Variants in EEF1G observed in about 807,000 individuals in gnomAD.
EEF1G encodes the protein elongation factor 1-gamma.
A neutral mutation model predicts 58.3 loss-of-function variants in EEF1G; 14 were observed. The observed-to-expected ratio is 0.24, with a 90% CI of 0.16 to 0.38. The LOEUF is 0.38. EEF1G is among the 10% of genes least tolerant of loss of function. The pLI, the probability that EEF1G is intolerant of heterozygous loss-of-function variation, is 1.00. For synonymous variants in EEF1G, 180 were observed against 206.8 expected, an observed-to-expected ratio of 0.87 and a Z score of 1.11; for missense variants, 322 against 550.1, an observed-to-expected ratio of 0.59 and a Z score of 4.15.
chr11:62,564,894 C>T (rs1437455935), intron 7 of EEF1G, among the ~76,000 whole-genome samples: 2 of 151,492 alleles, frequency 1.3e-5, no homozygotes, highest in African/African-American at 4.9e-5. Flanking sequence ...GGTGAAACTC[C>T]GTCTCTACTA....
chr11:62,571,927 A>C (rs1443231124), intron 2 of EEF1G, 26 bp from the exon 3 acceptor site: 2 of 1,557,974 alleles, frequency 1.3e-6, no homozygotes, highest in Admixed American at 3.9e-5. Flanking sequence ...TGAAAAGATA[A>C]GGTAAAACAC....
At chr11:62,571,794 C>A in intron 3 of EEF1G, 44 bp downstream of exon 3, 1 of 1,570,466 alleles carries the variant, frequency 6.4e-7, no homozygotes, top group East Asian at 2.4e-5. Flanking sequence ...CTCCTACACC[C>A]TCACCTCCAA....
intron 7 of EEF1G, among the ~76,000 whole-genome samples, chr11:62,566,145 A>C (rs1941553151): frequency 6.6e-6 from 1 of 152,132 alleles, no homozygotes; most frequent in South Asian, 2.1e-4. Flanking sequence ...CTGGGCAAGC[A>C]CTCAGCGTCC....
At chr11:62,562,430 T>C (rs1348354331) in intron 7 of EEF1G, among the ~76,000 whole-genome samples, 1 of 152,220 alleles carries the variant, frequency 6.6e-6, no homozygotes, top group African/African-American at 2.4e-5. Flanking sequence ...CATATATATA[T>C]ATATGCTGAC....
intron 3 of EEF1G, 35 bp from the exon 4 acceptor site, chr11:62,571,717 G>A: frequency 1.3e-6 from 2 of 1,576,682 alleles, no homozygotes; most frequent in South Asian, 2.3e-5. Context: ...AGAACTCTGG[G>A]GGAATGCCAA....
intron 5 of EEF1G, 60 bp downstream of exon 5, chr11:62,570,905 C>T (rs914357537): frequency 6.8e-6 from 11 of 1,607,016 alleles, no homozygotes; most frequent in African/African-American, 1.3e-5. Context: ...CTAGATACCT[C>T]GTCACTTTGT....
At chr11:62,560,792 A>G (rs1444977320) in intron 7 of EEF1G, among the ~76,000 whole-genome samples, 2 of 152,018 alleles carry the variant, frequency 1.3e-5, no homozygotes, top group African/African-American at 2.4e-5. Context: ...TTTTCCATGA[A>G]CCACACTAAG....
chr11:62,572,439 G>T, intron 2 of EEF1G, 145 bp downstream of exon 2: 1 of 1,109,866 alleles, frequency 9.0e-7, no homozygotes, highest in Non-Finnish European at 1.3e-6. Flanking sequence ...ATGTAAATCT[G>T]TATTTATCTC....
intron 5 of EEF1G, among the ~76,000 whole-genome samples, chr11:62,568,274 G>A (rs1385201769): frequency 6.7e-6 from 1 of 149,518 alleles, no homozygotes. Flanking sequence ...TGTAGTCCCA[G>A]CTACTCCAGA....
rs767512469 is a variant in EEF1G at position 62,559,630 on chromosome 11, C to T, written c.*49G>A. ...ATGTTCAGTTTCCTTTAATGACCCC[C>T]ATCTCCCTGAAGGGCAGGTGCAGGC... On this transcript the variant is annotated 3_prime_UTR_variant, in exon 10 of 10. Coordinates refer to ENST00000329251, the MANE Select transcript of EEF1G (RefSeq NM_001404.5). 8.7e-6 allele frequency: 14 copies of T among 1,604,288 alleles called. No individual in the cohort carries two copies. The highest frequency in any genetic ancestry group is 7.7e-6 in the Non-Finnish European group (9 of 1,172,838).
At chr11:62,564,790 A>G (rs10750975) in intron 7 of EEF1G, among the ~76,000 whole-genome samples, 141,412 of 141,660 alleles carry the variant, frequency 1, 70,582 homozygotes, top group Middle Eastern at 1. Flanking sequence ...AAAGGGGGCC[A>G]GGCACGGTAG....
At chr11:62,571,995 A>G in intron 2 of EEF1G, 94 bp from the exon 3 acceptor site, 2 of 1,050,164 alleles carry the variant, frequency 1.9e-6, no homozygotes, top group East Asian at 5.2e-5. Flanking sequence ...TACTTATATA[A>G]GGCTGATGAT....
intron 2 of EEF1G, 85 bp downstream of exon 2, chr11:62,572,499 A>AGCT: frequency 6.5e-7 from 1 of 1,536,414 alleles, no homozygotes; most frequent in Non-Finnish European, 8.9e-7. Context: ...GCTCCCTTTT[A>AGCT]GAGATGGGGG....
chr11:62,562,632 C>T (rs994566143), intron 7 of EEF1G, among the ~76,000 whole-genome samples: 2 of 152,088 alleles, frequency 1.3e-5, no homozygotes, highest in South Asian at 4.1e-4. Flanking sequence ...AGGCACGTGC[C>T]ACTACGCCCA....
intron 7 of EEF1G, among the ~76,000 whole-genome samples, chr11:62,565,172 G>A (rs568134591): frequency 3.4e-4 from 52 of 152,132 alleles, no homozygotes; most frequent in Non-Finnish European, 6.6e-4. Flanking sequence ...AGGATCACTT[G>A]AGCCCAGGAG....
In EEF1G at chr11:62,566,962, T is replaced by C. The variant is rs1565261407; in HGVS notation, c.701A>G (p.Glu234Gly). The C allele has an allele frequency of 1.2e-6, 2 of 1,614,054 alleles. No homozygotes were observed. Among genetic ancestry groups the C allele is most frequent in the Non-Finnish European group, 8.5e-7 (1 of 1,179,910 alleles). Residue 234 changes from glutamate to glycine, a missense_variant, in exon 7 of 10, where the codon GAG becomes GGG. Glu to Gly is a moderately conservative substitution (Grantham distance 98). This residue lies in a region of EEF1G where 208 missense variants were observed against 323.7 expected (regional missense o/e 0.64). Coordinates refer to ENST00000329251, the MANE Select transcript of EEF1G (RefSeq NM_001404.5). Reference protein sequence around the residue: ...TQPKKDTPRKEKGSREEKQKP... With the variant: ...TQPKKDTPRKGKGSREEKQKP... ...CTGCTTCTCTTCCCGTGAACCCTTC[T>C]CTTTCCGTGGTGTGTCCTTTTTAGG...
At chr11:62,568,251 G>T (rs1941581326) in intron 5 of EEF1G, among the ~76,000 whole-genome samples, 1 of 151,068 alleles carries the variant, frequency 6.6e-6, no homozygotes, top group Non-Finnish European at 1.5e-5. Context: ...AGCTGGGCGT[G>T]GTGGCACGTG....
At chr11:62,568,082 G>A (rs1941578893) in intron 5 of EEF1G, among the ~76,000 whole-genome samples, 1 of 151,680 alleles carries the variant, frequency 6.6e-6, no homozygotes, top group Non-Finnish European at 1.5e-5. Flanking sequence ...AAAAAAATTA[G>A]CTGGGCGTGA....
chr11:62,570,414 CA>C (rs1941613484), intron 5 of EEF1G, among the ~76,000 whole-genome samples: 1 of 152,160 alleles, frequency 6.6e-6, no homozygotes, highest in Non-Finnish European at 1.5e-5. Context: ...TCTGTCTTCA[CA>C]ACTAAGAATA....
Sources: allele counts gnomAD v4.1 joint callset (sites outside exome capture counted in the v4.1 genomes callset), GRCh38; gene constraint gnomAD v4.1.1; regional missense constraint gnomAD v4.1.1; transcripts MANE v1.5; gene names NCBI Gene and HGNC (gene_info 2026-07-23, HGNC 2026-07-21).